Variants in GRIK3 observed in about 807,000 individuals in gnomAD.
The protein encoded by GRIK3 is glutamate receptor ionotropic, kainate 3.
A neutral mutation model predicts 102.5 loss-of-function variants in GRIK3; 29 were observed. That is an observed-to-expected ratio of 0.28 (90% CI 0.21 to 0.39). GRIK3 has a LOEUF of 0.39. Among genes scored for constraint, GRIK3 ranks in the 10% least tolerant of loss-of-function variants. The pLI, the probability that GRIK3 is intolerant of heterozygous loss-of-function variation, is 1.00. For synonymous variants in GRIK3, 511 were observed against 504.9 expected (o/e 1.01, Z -0.16); for missense variants, 908 against 1,252.4 (o/e 0.73, Z 4.15).
intron 7 of GRIK3, among the ~76,000 whole-genome samples, chr1:36,854,522 C>T (rs1440406198): frequency 6.6e-6 from 1 of 152,178 alleles, no homozygotes; most frequent in Non-Finnish European, 1.5e-5. Context: ...CCATCTTCTA[C>T]ATCAGGGGTT....
chr1:36,994,991 C>T (rs974424835), intron 1 of GRIK3, among the ~76,000 whole-genome samples: 1 of 152,134 alleles, frequency 6.6e-6, no homozygotes, highest in Non-Finnish European at 1.5e-5. Context: ...AGAGCTCACA[C>T]ATGAGACGGA....
chr1:36,908,042 G>A (rs1201807555), intron 1 of GRIK3, among the ~76,000 whole-genome samples: 1 of 152,186 alleles, frequency 6.6e-6, no homozygotes, highest in Non-Finnish European at 1.5e-5. Context: ...ACAATCTGCA[G>A]TATGACATAT....
chr1:36,894,343 T>C (rs556061024), intron 1 of GRIK3, among the ~76,000 whole-genome samples: 1 of 152,366 alleles, frequency 6.6e-6, no homozygotes, highest in South Asian at 2.1e-4. Flanking sequence ...TATTCCTCTT[T>C]ATTGCTAAAT....
At position 36,825,757 on chromosome 1, in the gene GRIK3, G is replaced by A; in HGVS notation, c.1600C>T (p.Pro534Ser). Residue 534 changes from proline to serine, a missense_variant, in exon 11 of 16, where the codon CCC becomes TCC. Physicochemically the swap from Pro to Ser is moderately conservative, Grantham distance 74. This residue lies in a region of GRIK3 where 585 missense variants were observed against 824.9 expected (regional missense o/e 0.71). Coordinates refer to ENST00000373091, the MANE Select transcript of GRIK3 (RefSeq NM_000831.4). Reference protein sequence around the residue: ...VREKAIDFSKPFMTLGVSILY... With the variant: ...VREKAIDFSKSFMTLGVSILY... ...ATGCTCACACCAAGTGTCATGAAGG[G>A]CTTGGAGAAGTCGATGGCCTTCTCT... 2 of 1,614,038 alleles carry A rather than the reference G, an allele frequency of 1.2e-6. No homozygotes were observed. Among genetic ancestry groups the A allele is most frequent in the Non-Finnish European group, 1.7e-6 (2 of 1,179,952 alleles).
At chr1:37,020,883 C>T (rs1476883669) in intron 1 of GRIK3, among the ~76,000 whole-genome samples, 1 of 152,190 alleles carries the variant, frequency 6.6e-6, no homozygotes, top group African/African-American at 2.4e-5. Context: ...GTGCTGAACA[C>T]AGAGGTTGGG....
chr1:36,957,894 G>A (rs1641941719), intron 1 of GRIK3, among the ~76,000 whole-genome samples: 1 of 84,384 alleles, frequency 1.2e-5, no homozygotes, highest in Non-Finnish European at 2.1e-5. Flanking sequence ...CTGAGTCTGT[G>A]TGCCCTGTGA....
chr1:37,022,323 G>C (rs1642723266), intron 1 of GRIK3, among the ~76,000 whole-genome samples: 2 of 152,318 alleles, frequency 1.3e-5, no homozygotes, highest in South Asian at 4.1e-4. Context: ...CTCTTCCTTG[G>C]TTCAGCTCCC....
chr1:36,924,905 C>G (rs1028722472), intron 1 of GRIK3, among the ~76,000 whole-genome samples: 2 of 152,162 alleles, frequency 1.3e-5, no homozygotes, highest in African/African-American at 4.8e-5. Context: ...CAGACACACA[C>G]AGACATGCAC....
At chr1:36,834,914 T>C (rs1403904530) in intron 10 of GRIK3, among the ~76,000 whole-genome samples, 1 of 152,202 alleles carries the variant, frequency 6.6e-6, no homozygotes, top group Non-Finnish European at 1.5e-5. Context: ...CTTAGACCTG[T>C]CTGGGACATC....
intron 2 of GRIK3, among the ~76,000 whole-genome samples, chr1:36,881,271 C>T (rs766443858): frequency 1.3e-5 from 2 of 152,176 alleles, no homozygotes; most frequent in Non-Finnish European, 2.9e-5. Flanking sequence ...TAGAATCAAA[C>T]TGGCTGATGG....
chr1:36,938,354 G>C (rs1344201285), intron 1 of GRIK3, among the ~76,000 whole-genome samples: 1 of 152,190 alleles, frequency 6.6e-6, no homozygotes, highest in Non-Finnish European at 1.5e-5. Flanking sequence ...GGTGCTTTCA[G>C]CAGAATCCAG....
In GRIK3 at chr1:36,987,327, T is replaced by G. The variant is rs532818176; in HGVS notation, c.115+46667A>C. Reference sequence around the variant, plus strand: ...CGATTCCATGTCTGCTCAGCAGAGCTCCCCAGGCAGCAGACCCTGAGGCAA... The same window carrying G: ...CGATTCCATGTCTGCTCAGCAGAGCGCCCCAGGCAGCAGACCCTGAGGCAA... On this transcript the variant is annotated intron_variant, in intron 1 of 15. Transcript: ENST00000373091. Among the ~76,000 whole-genome samples, 3 of 152,146 alleles carry G rather than the reference T, an allele frequency of 2.0e-5. No individual in the cohort carries two copies. The East Asian group carries it at 5.8e-4, about 29-fold the overall frequency.
intron 1 of GRIK3, among the ~76,000 whole-genome samples, chr1:36,921,053 G>A (rs958983537): frequency 6.6e-6 from 1 of 152,256 alleles, no homozygotes. Flanking sequence ...TGGGCATGGC[G>A]GGGCAGCCTC....
intron 1 of GRIK3, among the ~76,000 whole-genome samples, chr1:37,005,036 C>G (rs1295549566): frequency 2.0e-5 from 3 of 152,248 alleles, no homozygotes; most frequent in African/African-American, 7.2e-5. Flanking sequence ...ACCTATCTAA[C>G]AGCCTCTTCC....
chr1:36,920,374 C>G, intron 1 of GRIK3, among the ~76,000 whole-genome samples: 1 of 152,146 alleles, frequency 6.6e-6, no homozygotes, highest in Admixed American at 6.5e-5. Flanking sequence ...ATCCTTTGGC[C>G]CAGGGCCTGG....
intron 8 of GRIK3, among the ~76,000 whole-genome samples, chr1:36,852,027 G>A (rs1164180223): frequency 3.3e-5 from 5 of 152,240 alleles, no homozygotes; most frequent in Non-Finnish European, 7.3e-5. Flanking sequence ...ACTGCCAGAG[G>A]AGGAAGGGTG....
At chr1:36,938,599 C>T (rs373233724) in intron 1 of GRIK3, among the ~76,000 whole-genome samples, 1 of 152,064 alleles carries the variant, frequency 6.6e-6, no homozygotes, top group Non-Finnish European at 1.5e-5. Flanking sequence ...AGTCACAACC[C>T]AGAGTGACTT....
At chr1:36,830,009 T>G (rs989859286) in intron 10 of GRIK3, among the ~76,000 whole-genome samples, 1 of 152,246 alleles carries the variant, frequency 6.6e-6, no homozygotes, top group Non-Finnish European at 1.5e-5. Context: ...GCTTGCTGCC[T>G]GTGTCTGGTG....
chr1:36,903,176 A>C (rs953670971), intron 1 of GRIK3, among the ~76,000 whole-genome samples: 1 of 152,204 alleles, frequency 6.6e-6, no homozygotes, highest in Non-Finnish European at 1.5e-5. Context: ...TGGGCCAAAG[A>C]CCTTAACAGA....
Sources: gnomAD v4.1 joint callset for allele counts (sites outside exome capture counted in the v4.1 genomes callset) on GRCh38, gnomAD v4.1.1 for gene constraint, gnomAD v4.1.1 regional missense constraint, MANE v1.5 for transcripts, NCBI Gene and HGNC (gene_info 2026-07-23, HGNC 2026-07-21) for gene names.